AP3B1: variants seen among roughly 807,000 people sequenced by gnomAD.
AP3B1 encodes the protein adaptor related protein complex 3 subunit beta 1.
In AP3B1, 61 loss-of-function variants were observed where a neutral mutation model predicts 132.5. That is an observed-to-expected ratio of 0.46 (90% CI 0.37 to 0.57). The LOEUF is 0.57. AP3B1 is among the 20% of genes least tolerant of loss of function. The pLI is 0.00. For missense variants in AP3B1, 1,120 were observed against 1,289.4 expected (o/e 0.87, Z 2.01); for synonymous variants, 388 against 438.3 (o/e 0.89, Z 1.43).
chr5:78,262,579 T>C (rs1748139619), intron 2 of AP3B1, among the ~76,000 whole-genome samples: 1 of 152,252 alleles, frequency 6.6e-6, no homozygotes, highest in Non-Finnish European at 1.5e-5. Flanking sequence ...TTGTGTTCCA[T>C]TGGTCTATAC....
At chr5:78,105,091 T>C (rs895927230) in intron 20 of AP3B1, among the ~76,000 whole-genome samples, 2 of 152,196 alleles carry the variant, frequency 1.3e-5, no homozygotes, top group African/African-American at 4.8e-5. Flanking sequence ...TTATATAGTT[T>C]ATGTAATTAA....
intron 7 of AP3B1, among the ~76,000 whole-genome samples, chr5:78,214,811 A>G (rs1745888524): frequency 1.3e-5 from 2 of 152,190 alleles, no homozygotes; most frequent in Admixed American, 6.5e-5. Context: ...ATTAAAGTTG[A>G]CAAGGATAGT....
intron 7 of AP3B1, among the ~76,000 whole-genome samples, chr5:78,193,442 G>C (rs1304046079): frequency 6.6e-6 from 1 of 151,760 alleles, no homozygotes; most frequent in Non-Finnish European, 1.5e-5. Context: ...CTGCTTAAGA[G>C]TAAAAATAAA....
chr5:78,176,781 G>A (rs2112404159), intron 9 of AP3B1, among the ~76,000 whole-genome samples: 1 of 152,284 alleles, frequency 6.6e-6, no homozygotes, highest in East Asian at 1.9e-4. Flanking sequence ...CTTTCTGTCT[G>A]TCTATCTGAA....
chr5:78,112,994 G>A (rs1751661659), intron 19 of AP3B1, among the ~76,000 whole-genome samples: 1 of 152,214 alleles, frequency 6.6e-6, no homozygotes, highest in Non-Finnish European at 1.5e-5. Flanking sequence ...GCATTATGCT[G>A]TGTTTGTTAT....
At chr5:78,021,331 G>T (rs1747087681) in intron 24 of AP3B1, among the ~76,000 whole-genome samples, 1 of 152,034 alleles carries the variant, frequency 6.6e-6, no homozygotes, top group South Asian at 2.1e-4. Context: ...TTATTTGCTA[G>T]CAGTGCTATT....
intron 21 of AP3B1, among the ~76,000 whole-genome samples, chr5:78,096,139 T>A (rs896898781): frequency 7.2e-5 from 11 of 152,186 alleles, no homozygotes; most frequent in Non-Finnish European, 1.3e-4. Context: ...GCCTGCCGAG[T>A]GCCTGCGATG....
rs1744758765 is a variant in AP3B1 at position 78,189,913 on chromosome 5, T to TA, written c.787-8252dup. ...TAAAATAAAATAAAATAAAATAAAATAAAATAAAATAAAATAAAATAAAAT... is the reference window on the plus strand; with the variant it reads ...TAAAATAAAATAAAATAAAATAAAATAAAAATAAAATAAAATAAAATAAAAT... On this transcript the variant is annotated intron_variant, in intron 7 of 26. Coordinates refer to ENST00000255194, the MANE Select transcript of AP3B1 (RefSeq NM_003664.5). 5.4e-5 allele frequency among the ~76,000 whole-genome samples: 8 copies of TA among 147,188 alleles called. No homozygotes were observed. In the South Asian group the frequency reaches 1.7e-3, roughly 31 times the overall value.
chr5:78,102,894 A>G (rs1304879243), intron 20 of AP3B1, among the ~76,000 whole-genome samples: 6 of 152,300 alleles, frequency 3.9e-5, no homozygotes, highest in Non-Finnish European at 7.4e-5. Flanking sequence ...CAGGTCACAT[A>G]TAACACAGAA....
At chr5:78,104,056 A>G (rs1751233940) in intron 20 of AP3B1, among the ~76,000 whole-genome samples, 1 of 152,178 alleles carries the variant, frequency 6.6e-6, no homozygotes, top group Non-Finnish European at 1.5e-5. Flanking sequence ...ATTTGAAACT[A>G]TAAAATAGGA....
intron 15 of AP3B1, among the ~76,000 whole-genome samples, chr5:78,133,507 A>T (rs1437824518): frequency 6.6e-6 from 1 of 152,190 alleles, no homozygotes; most frequent in Non-Finnish European, 1.5e-5. Flanking sequence ...CTTCATTAAA[A>T]ATTTGGGACA....
At chr5:78,082,613 A>G (rs1398812921) in intron 22 of AP3B1, among the ~76,000 whole-genome samples, 2 of 152,228 alleles carry the variant, frequency 1.3e-5, no homozygotes, top group Non-Finnish European at 2.9e-5. Context: ...CAGCTCAGGC[A>G]AGGGTGAAAA....
rs149925990 is a variant in AP3B1 at position 78,177,545 on chromosome 5, C to T, written c.943-109G>A. 935 of 843,068 alleles carry T rather than the reference C, an allele frequency of 1.1e-3. 2 individuals are homozygous for T. Among genetic ancestry groups the T allele is most frequent in the African/African-American group, 2.5e-3 (149 of 59,466 alleles). The allele number at this position is 843,068 out of a possible 1,614,324, so 52.2% of individuals were successfully genotyped here. On this transcript the variant is annotated intron_variant, in intron 8 of 26. Coordinates refer to ENST00000255194, the MANE Select transcript of AP3B1 (RefSeq NM_003664.5). ...CTCTAAGTCCTACAAATTCCTGTGACGTAAAATGGAATGTTACTCTTCGTA... is the reference window on the plus strand; with the variant it reads ...CTCTAAGTCCTACAAATTCCTGTGATGTAAAATGGAATGTTACTCTTCGTA...
At position 78,113,888 on chromosome 5, in the gene AP3B1, C is replaced by T. The variant is rs907819185; in HGVS notation, c.2113G>A (p.Glu705Lys). 26 of 1,614,092 alleles carry T rather than the reference C, an allele frequency of 1.6e-5. No homozygotes were observed. The highest frequency in any genetic ancestry group is 9.9e-5 in the South Asian group (9 of 91,092). ...TTGCTGTCTCCTTCCTCCCCACTTT[C>T]GCCTTGTTCTCCACTTTCACTTCCA... ...ESGSESGEQG[E>K]SGEEGDSNED... The change falls in exon 19 of 27, where the codon GAA (glutamate) becomes AAA (lysine). Residue 705 changes from glutamate to lysine, a missense_variant. This residue lies in a region of AP3B1 where 906 missense variants were observed against 997.1 expected (regional missense o/e 0.91). Transcript: ENST00000255194.
At chr5:78,204,773 CT>C (rs1325796647) in intron 7 of AP3B1, among the ~76,000 whole-genome samples, 3 of 152,182 alleles carry the variant, frequency 2.0e-5, no homozygotes, top group Non-Finnish European at 2.9e-5. Context: ...CATCCAGCCC[CT>C]GTCACTGAGG....
chr5:78,110,223 G>T lies in AP3B1; in HGVS notation c.2381C>A (p.Ser794Tyr), dbSNP rs1190566826. 6.2e-7 allele frequency: 1 copy of T among 1,605,550 alleles called. No homozygotes were observed. The highest frequency in any genetic ancestry group is 1.1e-5 in the South Asian group (1 of 90,048). ...ATCTCTTACCTTAGTGACTCTTCTG[G>T]ATTCAGATTCACTTTCAGGTTCTGA... Reference protein sequence around the residue: ...SESEPESESESRRVTKEKEKK... With the variant: ...SESEPESESEYRRVTKEKEKK... The change falls in exon 20 of 27, where the codon TCC becomes TAC. Residue 794 changes from serine (S) to tyrosine (Y), a missense_variant. Ser to Tyr is a moderately radical substitution (Grantham distance 144, BLOSUM62 -2). This residue lies in a region of AP3B1 where 906 missense variants were observed against 997.1 expected (regional missense o/e 0.91). Transcript: ENST00000255194.
intron 22 of AP3B1, among the ~76,000 whole-genome samples, chr5:78,058,271 G>T (rs534164288): frequency 3.9e-5 from 6 of 152,170 alleles, no homozygotes; most frequent in Admixed American, 3.9e-4. Flanking sequence ...GGAGGCCGAG[G>T]TGGGCAGATC....
intron 1 of AP3B1, among the ~76,000 whole-genome samples, chr5:78,281,733 T>C (rs1749065935): frequency 6.6e-6 from 1 of 152,092 alleles, no homozygotes; most frequent in African/African-American, 2.4e-5. Context: ...TATGTAGGAA[T>C]AGGAGAGAGG....
At chr5:78,257,013 C>T (rs1220279056) in intron 2 of AP3B1, among the ~76,000 whole-genome samples, 1 of 152,124 alleles carries the variant, frequency 6.6e-6, no homozygotes, top group African/African-American at 2.4e-5. Context: ...ATAGAAGGAA[C>T]ATACATCAAC....
Sources: gnomAD v4.1 joint callset for allele counts (sites outside exome capture counted in the v4.1 genomes callset) on GRCh38, gnomAD v4.1.1 for gene constraint, gnomAD v4.1.1 regional missense constraint, MANE v1.5 for transcripts, NCBI Gene and HGNC (gene_info 2026-07-23, HGNC 2026-07-21) for gene names.